Variants in PCDHA13 observed in about 807,000 individuals in gnomAD.
The protein encoded by PCDHA13 is protocadherin alpha 13, also known as protocadherin alpha-13.
PCDHA13 carries 54 observed loss-of-function variants against 64.8 expected under a neutral mutation model. The ratio of observed to expected loss-of-function variants is 0.83; its 90% CI spans 0.67 to 1.04. The LOEUF (loss-of-function observed/expected upper bound fraction) is 1.04, where lower values mean the gene tolerates loss of function less well. Among genes scored for constraint, PCDHA13 ranks in the 50% least tolerant of loss-of-function variants. PCDHA13 has a pLI of 0.00. For missense variants in PCDHA13, 1,248 were observed against 1,254.3 expected (o/e 0.99, Z 0.08); for synonymous variants, 587 against 564.4 (o/e 1.04, Z -0.57).
chr5:140,922,477 C>T (rs1233589980), intron 1 of PCDHA13, among the ~76,000 whole-genome samples: 2 of 152,124 alleles, frequency 1.3e-5, no homozygotes, highest in African/African-American at 2.4e-5. Context: ...GGAGAGAAGG[C>T]AGGACTAAAT....
At chr5:140,969,297 T>C in intron 1 of PCDHA13, 2 of 1,614,200 alleles carry the variant, frequency 1.2e-6, no homozygotes, top group Non-Finnish European at 1.7e-6. Context: ...GGGAACCTGA[T>C]TATTCTCAAA....
intron 1 of PCDHA13, among the ~76,000 whole-genome samples, chr5:140,885,718 C>T (rs2060696401): frequency 6.6e-6 from 1 of 152,124 alleles, no homozygotes; most frequent in South Asian, 2.1e-4. Flanking sequence ...CTAATGTGAT[C>T]TCTGTGAAAT....
chr5:140,992,584 T>G (rs1327367703), intron 3 of PCDHA13, among the ~76,000 whole-genome samples: 1 of 152,194 alleles, frequency 6.6e-6, no homozygotes, highest in Non-Finnish European at 1.5e-5. Context: ...CTGCCTTGTA[T>G]GCATCTAGCG....
Position 140,883,983 on chromosome 5 carries a change from G to A in PCDHA13, c.1715G>A (p.Ser572Asn), listed in dbSNP as rs2059929181. 6.2e-7 allele frequency: 1 copy of A among 1,612,892 alleles called. No individual in the cohort carries two copies. Among genetic ancestry groups the A allele is most frequent in the East Asian group, 2.2e-5 (1 of 44,864 alleles). Residue 572 changes from serine (S) to asparagine (N), a missense_variant, in exon 1 of 4, where the codon AGC (serine) becomes AAC (asparagine). Physicochemically the swap from Ser to Asn is conservative, Grantham distance 46 (BLOSUM62 1). Coordinates refer to ENST00000289272, the MANE Select transcript of PCDHA13 (RefSeq NM_018904.3). ...APALLTPGAGSAGGTVSELMP... is the reference protein window; with the variant it reads ...APALLTPGAGNAGGTVSELMP... ...GCGCTGCTGACGCCCGGGGCTGGCA[G>A]CGCGGGAGGCACAGTGAGCGAGCTG...
intron 1 of PCDHA13, among the ~76,000 whole-genome samples, chr5:140,919,300 C>A (rs547709389): frequency 6.6e-6 from 1 of 152,248 alleles, no homozygotes; most frequent in African/African-American, 2.4e-5. Flanking sequence ...GCTGTTTGTA[C>A]AATATATGTT....
rs1488505557 is a variant in PCDHA13 at position 140,967,448 on chromosome 5, A to G, written c.2395-11501A>G. The G allele has an allele frequency of 6.8e-6, 11 of 1,613,462 alleles. No individual in the cohort carries two copies. Among genetic ancestry groups the G allele is most frequent in the Non-Finnish European group, 9.3e-6 (11 of 1,179,888 alleles). On this transcript the variant is annotated intron_variant, in intron 1 of 3. Transcript: ENST00000289272. ...GGCAGCCTTGCACCACCTGGTTCTC[A>G]CAGCCGTGGATGGGGGCATCCCAGC...
At chr5:140,901,599 A>G (rs1196199794) in intron 1 of PCDHA13, among the ~76,000 whole-genome samples, 2 of 152,132 alleles carry the variant, frequency 1.3e-5, no homozygotes, top group South Asian at 2.1e-4. Flanking sequence ...TTTGGTTACT[A>G]TATCTCTATG....
In PCDHA13 at chr5:140,883,270, T is replaced by C; in HGVS notation, c.1002T>C (p.Cys334=). 6.2e-7 allele frequency: 1 copy of C among 1,614,106 alleles called. No homozygotes were observed. The highest frequency in any genetic ancestry group is 8.5e-7 in the Non-Finnish European group (1 of 1,180,008). The change falls in exon 1 of 4, where the codon TGT becomes TGC. Residue 334 remains cysteine, a synonymous_variant. Transcript: ENST00000289272. ...DKGNIPMAGH[C]TLLVEVLDVN... ...GAAATATTCCAATGGCGGGTCATTGTACCCTTTTGGTGGAAGTACTAGATG... is the reference window on the plus strand; with the variant it reads ...GAAATATTCCAATGGCGGGTCATTGCACCCTTTTGGTGGAAGTACTAGATG...
intron 1 of PCDHA13, among the ~76,000 whole-genome samples, chr5:140,953,480 T>C (rs782804804): frequency 2.6e-5 from 4 of 152,194 alleles, no homozygotes; most frequent in Non-Finnish European, 5.9e-5. Flanking sequence ...CCTCATGCTG[T>C]GTCACAACCT....
At position 140,897,120 on chromosome 5, in the gene PCDHA13, C is replaced by T. The variant is rs116233032; in HGVS notation, c.2394+12458C>T. Among the ~76,000 whole-genome samples, 1,215 of 152,248 alleles carry T rather than the reference C, an allele frequency of 8.0e-3. 5 individuals are homozygous for T. The highest frequency in any genetic ancestry group is 0.019 in the African/African-American group (784 of 41,540). On this transcript the variant is annotated intron_variant, in intron 1 of 3. Coordinates refer to ENST00000289272, the MANE Select transcript of PCDHA13 (RefSeq NM_018904.3). ...TAAAAATCTCCACTTTCTGTCCACA[C>T]CCCACTAAACTTTCTAGCCTTTGTT... is the stretch of plus-strand genomic sequence containing the variant.
In PCDHA13 at chr5:140,883,290, T is replaced by C; in HGVS notation, c.1022T>C (p.Leu341Pro). ...AGHCTLLVEVLDVNDNAPEVT... is the reference protein window; with the variant it reads ...AGHCTLLVEVPDVNDNAPEVT... ...CATTGTACCCTTTTGGTGGAAGTAC[T>C]AGATGTAAATGATAACGCCCCAGAG... Residue 341 changes from leucine to proline, a missense_variant, in exon 1 of 4, where the codon CTA (leucine) becomes CCA (proline). By Grantham distance (98) the Leu-to-Pro change is moderately conservative. Coordinates refer to ENST00000289272, the MANE Select transcript of PCDHA13 (RefSeq NM_018904.3). 1 of 1,614,060 alleles carries C rather than the reference T, an allele frequency of 6.2e-7. No individual in the cohort carries two copies. The highest frequency in any genetic ancestry group is 1.1e-5 in the South Asian group (1 of 91,078).
chr5:141,005,339 T>C (rs920058303), intron 3 of PCDHA13, among the ~76,000 whole-genome samples: 5 of 151,926 alleles, frequency 3.3e-5, no homozygotes, highest in African/African-American at 9.7e-5. Context: ...GCCAAGGGGG[T>C]GCTGCTTGGC....
intron 1 of PCDHA13, among the ~76,000 whole-genome samples, chr5:140,941,877 A>T (rs1554214743): frequency 1.3e-5 from 2 of 152,224 alleles, no homozygotes; most frequent in Non-Finnish European, 2.9e-5. Flanking sequence ...TTCTATCACC[A>T]GTGACTAGCA....
At chr5:140,919,166 GT>G (rs1382267419) in intron 1 of PCDHA13, among the ~76,000 whole-genome samples, 15 of 152,114 alleles carry the variant, frequency 9.9e-5, no homozygotes, top group Admixed American at 9.8e-4. Context: ...TATGTTTTTA[GT>G]TGCTATATCT....
At chr5:141,006,353 A>G (rs2098269096) in intron 3 of PCDHA13, among the ~76,000 whole-genome samples, 1 of 151,784 alleles carries the variant, frequency 6.6e-6, no homozygotes, top group Admixed American at 6.6e-5. Flanking sequence ...CTGGGACTAT[A>G]GGCGCCCACC....
chr5:140,917,249 G>A (rs1439724525), intron 1 of PCDHA13, among the ~76,000 whole-genome samples: 1 of 149,466 alleles, frequency 6.7e-6, no homozygotes, highest in African/African-American at 2.5e-5. Flanking sequence ...TACTACGATT[G>A]CTCACCTGAT....
chr5:141,009,878 A>G lies in PCDHA13; in HGVS notation c.2794A>G (p.Asn932Asp). Residue 932 changes from asparagine to aspartate, a missense_variant, in exon 4 of 4, where the codon AAC (asparagine) becomes GAC (aspartate). Coordinates refer to ENST00000289272, the MANE Select transcript of PCDHA13 (RefSeq NM_018904.3). ...TKKKKKKKKG[N>D]KTQEKKEKGN... ...GAAAAAGAAGAAAAAGAAGAAGGGT[A>G]ACAAGACCCAGGAGAAAAAAGAGAA... is the stretch of plus-strand genomic sequence containing the variant. 4 of 1,613,898 alleles carry G rather than the reference A, an allele frequency of 2.5e-6. No homozygotes were observed. Among genetic ancestry groups the G allele is most frequent in the South Asian group, 1.1e-5 (1 of 91,050 alleles).
intron 1 of PCDHA13, among the ~76,000 whole-genome samples, chr5:140,916,847 C>T (rs1276107761): frequency 1.3e-5 from 2 of 152,116 alleles, no homozygotes; most frequent in Non-Finnish European, 2.9e-5. Flanking sequence ...GAGCCCAGCC[C>T]AGCACTAGGA....
intron 1 of PCDHA13, among the ~76,000 whole-genome samples, chr5:140,901,034 T>C (rs573919271): frequency 6.6e-6 from 1 of 152,240 alleles, no homozygotes; most frequent in Non-Finnish European, 1.5e-5. Context: ...TCAACTCTTT[T>C]GCCCATTTTA....
Sources: allele counts gnomAD v4.1 joint callset (sites outside exome capture counted in the v4.1 genomes callset), GRCh38; gene constraint gnomAD v4.1.1; transcripts MANE v1.5; gene names NCBI Gene and HGNC (gene_info 2026-07-23, HGNC 2026-07-21).